The following GRIN2A variants were observed in gnomAD, a reference collection of about 807,000 sequenced individuals.
GRIN2A encodes the protein glutamate ionotropic receptor NMDA type subunit 2A.
In GRIN2A, 22 loss-of-function variants were observed where a neutral mutation model predicts 113.4. That is an observed-to-expected ratio of 0.19 (90% CI 0.14 to 0.28). GRIN2A has a LOEUF of 0.28. Ranked by LOEUF, GRIN2A falls within the 10% of genes least tolerant of loss-of-function variation. The probability of loss-of-function intolerance (pLI) is 1.00; values close to 1 mark genes in which losing one functional copy is unlikely to be tolerated. For missense variants in GRIN2A, 1,502 were observed against 1,887.0 expected, an observed-to-expected ratio of 0.80 and a Z score of 3.78; for synonymous variants, 827 against 738.4, an observed-to-expected ratio of 1.12 and a Z score of -1.94.
intron 2 of GRIN2A, among the ~76,000 whole-genome samples, chr16:10,127,917 T>C (rs1053640503): frequency 2.6e-5 from 4 of 151,952 alleles, no homozygotes; most frequent in African/African-American, 4.8e-5. Flanking sequence ...TGTGGGGGCC[T>C]TGGGTCACAC....
At chr16:9,876,471 C>G in intron 4 of GRIN2A, among the ~76,000 whole-genome samples, 1 of 152,114 alleles carries the variant, frequency 6.6e-6, no homozygotes, top group East Asian at 1.9e-4. Context: ...GAGCTCAGGG[C>G]CTTTGCAGCC....
At chr16:9,957,735 A>G (rs1333340842) in intron 2 of GRIN2A, among the ~76,000 whole-genome samples, 1 of 152,180 alleles carries the variant, frequency 6.6e-6, no homozygotes, top group African/African-American at 2.4e-5. Flanking sequence ...TGGGAAATTT[A>G]ACAACCGAAA....
At chr16:10,008,798 A>G (rs1170190594) in intron 2 of GRIN2A, among the ~76,000 whole-genome samples, 1 of 152,228 alleles carries the variant, frequency 6.6e-6, no homozygotes, top group East Asian at 1.9e-4. Flanking sequence ...GTTAGAAAAC[A>G]AAACTGATTT....
In GRIN2A at chr16:9,840,640, C is replaced by A. The variant is rs2141341727; in HGVS notation, c.1651+7G>T. Reference sequence around the variant, plus strand: ...GGAAAGCAATAGTCACTATGAAATTCACACACCTAGAAAAGCAGAAGGTGA... The same window carrying A: ...GGAAAGCAATAGTCACTATGAAATTAACACACCTAGAAAAGCAGAAGGTGA... On this transcript the variant is annotated splice_region_variant and intron_variant, in intron 7 of 12. Coordinates refer to ENST00000330684, the MANE Select transcript of GRIN2A (RefSeq NM_001134407.3). 6.2e-7 allele frequency: 1 copy of A among 1,612,106 alleles called. No individual in the cohort carries two copies. Among genetic ancestry groups the A allele is most frequent in the Non-Finnish European group, 8.5e-7 (1 of 1,178,340 alleles).
At chr16:9,843,611 A>T (rs2042720908) in intron 5 of GRIN2A, among the ~76,000 whole-genome samples, 1 of 152,142 alleles carries the variant, frequency 6.6e-6, no homozygotes, top group Non-Finnish European at 1.5e-5. Flanking sequence ...TCACCATTGT[A>T]TCCCACCCCC....
intron 2 of GRIN2A, among the ~76,000 whole-genome samples, chr16:10,134,356 G>C (rs1286227752): frequency 6.6e-6 from 1 of 151,978 alleles, no homozygotes; most frequent in Non-Finnish European, 1.5e-5. Context: ...TGTGTTTCCA[G>C]CCTAAGAGTT....
At chr16:10,106,449 A>G (rs1406346468) in intron 2 of GRIN2A, among the ~76,000 whole-genome samples, 2 of 152,012 alleles carry the variant, frequency 1.3e-5, no homozygotes, top group Non-Finnish European at 2.9e-5. Context: ...AAAAATAAGA[A>G]AAACCTCCCA....
chr16:10,010,233 T>C (rs1203427462), intron 2 of GRIN2A, among the ~76,000 whole-genome samples: 1 of 152,264 alleles, frequency 6.6e-6, no homozygotes, highest in Non-Finnish European at 1.5e-5. Flanking sequence ...TCAGCACATA[T>C]ATCTAGCTTT....
intron 2 of GRIN2A, among the ~76,000 whole-genome samples, chr16:10,141,092 G>C (rs913182966): frequency 1.3e-5 from 2 of 152,094 alleles, no homozygotes; most frequent in Non-Finnish European, 2.9e-5. Flanking sequence ...TACTCAGGAG[G>C]CTGAGGTGGG....
At chr16:9,892,565 T>C (rs2043715662) in intron 3 of GRIN2A, among the ~76,000 whole-genome samples, 1 of 152,180 alleles carries the variant, frequency 6.6e-6, no homozygotes, top group Non-Finnish European at 1.5e-5. Context: ...GAATCTACCT[T>C]ATATAACATG....
At chr16:10,031,897 C>G (rs2046936508) in intron 2 of GRIN2A, among the ~76,000 whole-genome samples, 1 of 152,224 alleles carries the variant, frequency 6.6e-6, no homozygotes, top group Admixed American at 6.5e-5. Flanking sequence ...ATCCCTCCGG[C>G]CACAGGGCCT....
chr16:9,779,755 G>C (rs55881913), intron 11 of GRIN2A, among the ~76,000 whole-genome samples: 39,248 of 151,798 alleles, frequency 0.26, 5,349 homozygotes, highest in East Asian at 0.53. Flanking sequence ...ACATCCTCCC[G>C]CTCCCCAGGT....
At chr16:10,021,227 A>G (rs1319982165) in intron 2 of GRIN2A, among the ~76,000 whole-genome samples, 2 of 152,208 alleles carry the variant, frequency 1.3e-5, no homozygotes, top group Non-Finnish European at 2.9e-5. Flanking sequence ...AGACCTAGGT[A>G]GTGAATGAAT....
Position 9,764,418 on chromosome 16 carries a change from C to G in GRIN2A, c.3126G>C (p.Arg1042Ser), listed in dbSNP as rs142053517. The G allele has an allele frequency of 1.5e-5, 24 of 1,613,874 alleles. No individual in the cohort carries two copies. Among genetic ancestry groups the G allele is most frequent in the Non-Finnish European group, 2.0e-5 (24 of 1,179,950 alleles). The change falls in exon 13 of 13, where the codon AGG becomes AGC. Residue 1042 changes from arginine (R) to serine (S), a missense_variant. Around this residue, in one of 7 missense-constraint regions of GRIN2A, gnomAD observed 832 missense variants for 789.7 expected, o/e 1.05. Transcript: ENST00000330684. ...ACCTAGGGCTCTTTAGGGAGTGGGT[C>G]CTATTCTCTGCTGTTGCCTCATCCC... ...SQRDEATAENRTHSLKSPRYL... is the reference protein window; with the variant it reads ...SQRDEATAENSTHSLKSPRYL...
At chr16:9,953,609 C>T (rs778302067) in intron 2 of GRIN2A, among the ~76,000 whole-genome samples, 4 of 152,006 alleles carry the variant, frequency 2.6e-5, no homozygotes, top group Non-Finnish European at 4.4e-5. Context: ...TTGTTGACAG[C>T]TGTGCATGGC....
intron 2 of GRIN2A, among the ~76,000 whole-genome samples, chr16:10,104,781 A>ACCC (rs1052613001): frequency 6.6e-6 from 1 of 152,068 alleles, no homozygotes; most frequent in Non-Finnish European, 1.5e-5. Flanking sequence ...AACATCGTAG[A>ACCC]CCCCACTGTG....
At chr16:9,925,577 T>A (rs1454963709) in intron 3 of GRIN2A, among the ~76,000 whole-genome samples, 1 of 152,186 alleles carries the variant, frequency 6.6e-6, no homozygotes, top group East Asian at 1.9e-4. Context: ...GAATCCCCTA[T>A]CCTTAAGTTG....
At chr16:9,960,565 TTTTA>T (rs1200531216) in intron 2 of GRIN2A, among the ~76,000 whole-genome samples, 1 of 152,202 alleles carries the variant, frequency 6.6e-6, no homozygotes, top group African/African-American at 2.4e-5. Flanking sequence ...CCAGACTATC[TTTTA>T]TTAATTGTAT....
chr16:9,904,064 T>A (rs2043984327), intron 3 of GRIN2A, among the ~76,000 whole-genome samples: 1 of 152,230 alleles, frequency 6.6e-6, no homozygotes, highest in Non-Finnish European at 1.5e-5. Context: ...AATCCACAAC[T>A]GTTGGTGTTT....
Sources: gnomAD v4.1 joint callset for allele counts (sites outside exome capture counted in the v4.1 genomes callset) on GRCh38, gnomAD v4.1.1 for gene constraint, gnomAD v4.1.1 regional missense constraint, MANE v1.5 for transcripts, NCBI Gene and HGNC (gene_info 2026-07-23, HGNC 2026-07-21) for gene names.